KCNQ5: variants seen among roughly 807,000 people sequenced by gnomAD.
The protein encoded by KCNQ5 is potassium voltage-gated channel subfamily KQT member 5.
A neutral mutation model predicts 98.2 loss-of-function variants in KCNQ5; 30 were observed. The observed-to-expected ratio is 0.31, with a 90% CI of 0.23 to 0.41. KCNQ5 has a LOEUF of 0.41. Ranked by LOEUF, KCNQ5 falls within the 10% of genes least tolerant of loss-of-function variation. KCNQ5 has a pLI of 1.00. For synonymous variants in KCNQ5, 458 were observed against 449.4 expected, an observed-to-expected ratio of 1.02 and a Z score of -0.24; for missense variants, 835 against 1,182.5, an observed-to-expected ratio of 0.71 and a Z score of 4.31.
intron 1 of KCNQ5, among the ~76,000 whole-genome samples, chr6:72,847,130 TA>T (rs535705367): frequency 0.038 from 5,832 of 151,616 alleles, 157 homozygotes; most frequent in South Asian, 0.074. Context: ...TAAAATAAAT[TA>T]AAAAAAAATT....
Position 72,622,316 on chromosome 6 carries a change from C to T in KCNQ5, c.127C>T (p.Arg43Trp). 1 of 1,375,662 alleles carries T rather than the reference C, an allele frequency of 7.3e-7. No individual in the cohort carries two copies. The highest frequency in any genetic ancestry group is 9.4e-7 in the Non-Finnish European group (1 of 1,068,958). The allele number at this position is 1,375,662 out of a possible 1,614,324, so 85.2% of individuals were successfully genotyped here. A position where few individuals can be genotyped will look rare whatever the true frequency, so the allele number is the denominator to read the frequency against. The change falls in exon 1 of 14, where the codon CGG becomes TGG. Residue 43 changes from arginine to tryptophan, a missense_variant. By Grantham distance (101) the Arg-to-Trp change is moderately radical. This residue lies in a region of KCNQ5 where 80 missense variants were observed against 72.3 expected (regional missense o/e 1.11). Transcript: ENST00000370398. The surrounding 1 kb of genome is among the most constrained non-coding windows in gnomAD (Gnocchi z 6.0). The part of the protein sequence containing the change: ...GSGMKDVESG[R>W]GRVLLNSAAA... Reference sequence around the variant, plus strand: ...CGGCATGAAGGATGTGGAGTCCGGCCGGGGCAGGGTGCTGCTGAACTCGGC... The same window carrying T: ...CGGCATGAAGGATGTGGAGTCCGGCTGGGGCAGGGTGCTGCTGAACTCGGC...
chr6:72,733,450 C>T (rs544986105), intron 1 of KCNQ5, among the ~76,000 whole-genome samples: 1 of 152,190 alleles, frequency 6.6e-6, no homozygotes, highest in Admixed American at 6.5e-5. Flanking sequence ...TGCATGAGCA[C>T]CAAGGAAGAT....
chr6:72,708,982 G>C (rs967765236), intron 1 of KCNQ5, among the ~76,000 whole-genome samples: 2 of 152,086 alleles, frequency 1.3e-5, no homozygotes, highest in Non-Finnish European at 2.9e-5. Context: ...TTGCAAATAT[G>C]ATATATATAG....
At chr6:72,935,945 C>T (rs1765896602) in intron 1 of KCNQ5, among the ~76,000 whole-genome samples, 1 of 152,198 alleles carries the variant, frequency 6.6e-6, no homozygotes, top group Non-Finnish European at 1.5e-5. Context: ...CAACACTCTC[C>T]AGGTTTTCTC....
At chr6:72,904,578 C>T (rs956951834) in intron 1 of KCNQ5, among the ~76,000 whole-genome samples, 2 of 152,180 alleles carry the variant, frequency 1.3e-5, no homozygotes, top group African/African-American at 4.8e-5. Context: ...TGGATTCTCT[C>T]AGCATTTGTT....
At chr6:72,821,399 G>T (rs1417930638) in intron 1 of KCNQ5, among the ~76,000 whole-genome samples, 1 of 152,078 alleles carries the variant, frequency 6.6e-6, no homozygotes, top group Non-Finnish European at 1.5e-5. Context: ...TTTTCCTTGA[G>T]CTCAGCTGCA....
intron 1 of KCNQ5, among the ~76,000 whole-genome samples, chr6:72,628,653 A>G (rs972017895): frequency 6.6e-6 from 1 of 152,144 alleles, no homozygotes; most frequent in African/African-American, 2.4e-5. Flanking sequence ...TCCGTTGCCC[A>G]GGCTGGAGTG....
Position 73,041,801 on chromosome 6 carries a change from A to G in KCNQ5, c.490-135A>G. On this transcript the variant is annotated intron_variant, in intron 2 of 13. Coordinates refer to ENST00000370398, the MANE Select transcript of KCNQ5 (RefSeq NM_019842.4). ...GATTTAGTTTGATCTGGAGAAAGGAAATGTTCTTAACTTTAGATATTAACA... is the reference window on the plus strand; with the variant it reads ...GATTTAGTTTGATCTGGAGAAAGGAGATGTTCTTAACTTTAGATATTAACA... 3 of 945,832 alleles carry G rather than the reference A, an allele frequency of 3.2e-6. No individual in the cohort carries two copies. The South Asian group carries it at 4.7e-5, about 15-fold the overall frequency. 58.6% of individuals were successfully genotyped at this position (945,832 alleles called of 1,614,324 possible).
At chr6:72,988,069 G>C (rs1363047930) in intron 1 of KCNQ5, among the ~76,000 whole-genome samples, 1 of 152,152 alleles carries the variant, frequency 6.6e-6, no homozygotes, top group Non-Finnish European at 1.5e-5. Flanking sequence ...GGAGCCAGGA[G>C]AACAAGTGAG....
intron 1 of KCNQ5, among the ~76,000 whole-genome samples, chr6:72,669,839 A>G (rs566874197): frequency 7.9e-5 from 12 of 151,470 alleles, no homozygotes; most frequent in South Asian, 2.1e-4. Context: ...TATGCTCTCT[A>G]TCAAGCAGTT....
intron 1 of KCNQ5, among the ~76,000 whole-genome samples, chr6:72,730,943 G>T (rs182602431): frequency 8.0e-6 from 1 of 125,546 alleles, no homozygotes. Flanking sequence ...AACATAGTAC[G>T]CATTTCTATT....
chr6:72,930,734 C>T (rs2150228772), intron 1 of KCNQ5, among the ~76,000 whole-genome samples: 1 of 152,254 alleles, frequency 6.6e-6, no homozygotes. Context: ...TTAATTACTG[C>T]AACACACTTT....
chr6:72,736,375 C>T (rs1006819121), intron 1 of KCNQ5, among the ~76,000 whole-genome samples: 6 of 150,952 alleles, frequency 4.0e-5, no homozygotes, highest in Non-Finnish European at 8.8e-5. Context: ...GTGTGGATTA[C>T]ATTGACAAAA....
chr6:72,703,938 C>T (rs1477616681), intron 1 of KCNQ5, among the ~76,000 whole-genome samples: 1 of 152,126 alleles, frequency 6.6e-6, no homozygotes, highest in Non-Finnish European at 1.5e-5. Context: ...TTACTTGTGG[C>T]TGCTTTTAAA....
chr6:72,771,652 C>CTGTGTGTGTGTGTGTGTGTG (rs150518788), intron 1 of KCNQ5, among the ~76,000 whole-genome samples: 1 of 147,750 alleles, frequency 6.8e-6, no homozygotes, highest in Non-Finnish European at 1.5e-5. Context: ...AACCATTTCA[C>CTGTGTGTGTGTGTGTGTGTG]TGTGTGTGTG....
At chr6:72,939,863 C>G (rs749595537) in intron 1 of KCNQ5, among the ~76,000 whole-genome samples, 4 of 152,258 alleles carry the variant, frequency 2.6e-5, no homozygotes, top group Non-Finnish European at 5.9e-5. Context: ...CTTTTCACGT[C>G]TATGAAGATG....
At chr6:72,970,602 A>G (rs2048209164) in intron 1 of KCNQ5, among the ~76,000 whole-genome samples, 1 of 152,212 alleles carries the variant, frequency 6.6e-6, no homozygotes, top group African/African-American at 2.4e-5. Context: ...AAACTATACT[A>G]CAAGGCCACA....
intron 1 of KCNQ5, among the ~76,000 whole-genome samples, chr6:72,785,889 A>G (rs941795688): frequency 1.3e-5 from 2 of 152,076 alleles, no homozygotes; most frequent in East Asian, 1.9e-4. Flanking sequence ...AGAAGCCACC[A>G]TGTTCCAAAT....
At chr6:72,946,814 A>G (rs1211540966) in intron 1 of KCNQ5, among the ~76,000 whole-genome samples, 1 of 152,198 alleles carries the variant, frequency 6.6e-6, no homozygotes, top group Non-Finnish European at 1.5e-5. Context: ...TATCTCAAAT[A>G]TTTATCTCAT....
Sources: allele counts gnomAD v4.1 joint callset (sites outside exome capture counted in the v4.1 genomes callset), GRCh38; gene constraint gnomAD v4.1.1; regional missense constraint gnomAD v4.1.1; non-coding constraint Gnocchi (gnomAD v3.1); transcripts MANE v1.5; gene names NCBI Gene and HGNC (gene_info 2026-07-23, HGNC 2026-07-21).